The following C20orf203 variants were observed in gnomAD, a reference collection of about 807,000 sequenced individuals.
The protein encoded by C20orf203 is uncharacterized protein C20orf203.
In C20orf203, 16 loss-of-function variants were observed where a neutral mutation model predicts 15.9. That is an observed-to-expected ratio of 1.01 (90% CI 0.68 to 1.53). The LOEUF is 1.53. Ranked by LOEUF, C20orf203 falls within the 40% of genes most tolerant of loss-of-function variation. The pLI is 0.00. For missense variants in C20orf203, 263 were observed against 247.5 expected (o/e 1.06, Z -0.42); for synonymous variants, 98 against 97.2 (o/e 1.01, Z -0.05).
chr20:32,651,157 G>T lies in C20orf203; in HGVS notation c.-5C>A. 8 of 404,994 alleles carry T rather than the reference G, an allele frequency of 2.0e-5. No individual in the cohort carries two copies. The highest frequency in any genetic ancestry group is 3.3e-5 in the Non-Finnish European group (8 of 243,102). The allele number at this position is 404,994 out of a possible 1,614,324, so 25.1% of individuals were successfully genotyped here. A position where few individuals can be genotyped will look rare whatever the true frequency, so the allele number is the denominator to read the frequency against. On this transcript the variant is annotated 5_prime_UTR_variant, in exon 3 of 6. Coordinates refer to ENST00000608990, the MANE Select transcript of C20orf203 (RefSeq NM_182584.4). ...CAAGACAGGCCTAGGAAACATAGGAGACCCTCTCTCTAAAAAAAAAAAAAA... is the reference window on the plus strand; with the variant it reads ...CAAGACAGGCCTAGGAAACATAGGATACCCTCTCTCTAAAAAAAAAAAAAA...
rs11313159 is a variant in C20orf203 at position 32,651,168 on chromosome 20, TAA to T, written c.-14-4_-14-3del. 0.13 allele frequency: 38,813 copies of T among 287,904 alleles called. No individual in the cohort carries two copies. Among genetic ancestry groups the T allele is most frequent in the Middle Eastern group, 0.16 (187 of 1,172 alleles). 17.8% of individuals were successfully genotyped at this position (287,904 alleles called of 1,614,324 possible). A position where few individuals can be genotyped will look rare whatever the true frequency, so the allele number is the denominator to read the frequency against. On this transcript the variant is annotated splice_polypyrimidine_tract_variant and splice_region_variant and intron_variant, in intron 2 of 5. Transcript: ENST00000608990. ...TAGGAAACATAGGAGACCCTCTCTC[TAA>T]AAAAAAAAAAAAAAAAAAAAAAATT...
chr20:32,652,374 G>A (rs1460140969), intron 1 of C20orf203, among the ~76,000 whole-genome samples: 1 of 151,578 alleles, frequency 6.6e-6, no homozygotes, highest in Non-Finnish European at 1.5e-5. Flanking sequence ...ATCAGAGGGG[G>A]CCCAGCAGCC....
In C20orf203 at chr20:32,660,944, G is replaced by A. The variant is rs541081804; in HGVS notation, c.-263-8963C>T. Among the ~76,000 whole-genome samples, 66 of 152,272 alleles carry A rather than the reference G, an allele frequency of 4.3e-4. No individual in the cohort carries two copies. The South Asian group carries it at 0.013, about 31-fold the overall frequency. ...TCACTATCATGAGAACCGCATGGGGGTAACTGCCTCCATGATTCGATTACC... is the reference window on the plus strand; with the variant it reads ...TCACTATCATGAGAACCGCATGGGGATAACTGCCTCCATGATTCGATTACC... On this transcript the variant is annotated intron_variant, in intron 1 of 5. Coordinates refer to ENST00000608990, the MANE Select transcript of C20orf203 (RefSeq NM_182584.4).
chr20:32,646,066 C>T (rs1982418477), intron 4 of C20orf203, among the ~76,000 whole-genome samples: 1 of 151,970 alleles, frequency 6.6e-6, no homozygotes. Context: ...TTGGGTGAGT[C>T]ACTTAACCTG....
chr20:32,635,049 A>G (rs1426314707), intron 5 of C20orf203, among the ~76,000 whole-genome samples: 1 of 151,982 alleles, frequency 6.6e-6, no homozygotes, highest in African/African-American at 2.4e-5. Context: ...AAAATACAAA[A>G]ATTAGCCGGG....
chr20:32,648,255 C>T (rs1364522535), intron 4 of C20orf203, among the ~76,000 whole-genome samples: 1 of 151,966 alleles, frequency 6.6e-6, no homozygotes, highest in Non-Finnish European at 1.5e-5. Context: ...CAGGCCTTTG[C>T]ACTCCCCATT....
In C20orf203 at chr20:32,634,053, G is replaced by A. The variant is rs907569941; in HGVS notation, c.*1517C>T. On this transcript the variant is annotated 3_prime_UTR_variant, in exon 6 of 6. Transcript: ENST00000608990. ...AATTGAAATGAGCCAGTTCTACCCC[G>A]GTGTTGGGAATTCCGAGATGAATCC... The A allele has an allele frequency of 3.5e-5, 14 of 398,606 alleles. No individual in the cohort carries two copies. Among genetic ancestry groups the A allele is most frequent in the East Asian group, 1.8e-4 (5 of 28,084 alleles). 24.7% of individuals were successfully genotyped at this position (398,606 alleles called of 1,614,324 possible). A position where few individuals can be genotyped will look rare whatever the true frequency, so the allele number is the denominator to read the frequency against.
chr20:32,650,188 G>A lies in C20orf203; in HGVS notation c.*244C>T, dbSNP rs775745413. 2.5e-5 allele frequency: 13 copies of A among 510,010 alleles called. No homozygotes were observed. The highest frequency in any genetic ancestry group is 1.5e-4 in the African/African-American group (8 of 52,198). 31.6% of individuals were successfully genotyped at this position (510,010 alleles called of 1,614,324 possible). A position where few individuals can be genotyped will look rare whatever the true frequency, so the allele number is the denominator to read the frequency against. On this transcript the variant is annotated 3_prime_UTR_variant, in exon 4 of 6. Coordinates refer to ENST00000608990, the MANE Select transcript of C20orf203 (RefSeq NM_182584.4). ...GGACCAGAGCCTGCCCCGCATGTCCGGCCGGGGTTCTACCCAGAGCCAGCC... is the reference window on the plus strand; with the variant it reads ...GGACCAGAGCCTGCCCCGCATGTCCAGCCGGGGTTCTACCCAGAGCCAGCC...
chr20:32,646,983 C>A (rs1982450556), intron 4 of C20orf203, among the ~76,000 whole-genome samples: 1 of 152,244 alleles, frequency 6.6e-6, no homozygotes, highest in South Asian at 2.1e-4. Flanking sequence ...GAGGGTCTCT[C>A]CATCTAGCAC....
chr20:32,635,234 T>C (rs1982105424), intron 5 of C20orf203, among the ~76,000 whole-genome samples: 1 of 151,910 alleles, frequency 6.6e-6, no homozygotes, highest in South Asian at 2.1e-4. Flanking sequence ...ACACGGTGGC[T>C]CATGCCTGTA....
At chr20:32,667,716 G>T (rs1983067856) in intron 1 of C20orf203, among the ~76,000 whole-genome samples, 1 of 152,090 alleles carries the variant, frequency 6.6e-6, no homozygotes, top group African/African-American at 2.4e-5. Context: ...TATCACCCAG[G>T]CTGGAGTGCA....
At chr20:32,645,465 TG>T (rs1007522462) in intron 4 of C20orf203, among the ~76,000 whole-genome samples, 1 of 152,126 alleles carries the variant, frequency 6.6e-6, no homozygotes, top group Non-Finnish European at 1.5e-5. Flanking sequence ...CCTGCCCCCC[TG>T]GGGGGATATT....
intron 1 of C20orf203, among the ~76,000 whole-genome samples, chr20:32,655,442 A>G (rs1038876422): frequency 5.9e-5 from 9 of 152,254 alleles, no homozygotes; most frequent in Non-Finnish European, 1.0e-4. Flanking sequence ...AACAGATTCT[A>G]ACCAGCATAT....
At chr20:32,666,142 TAAATA>T (rs1267060169) in intron 1 of C20orf203, among the ~76,000 whole-genome samples, 1 of 29,372 alleles carries the variant, frequency 3.4e-5, no homozygotes, top group Non-Finnish European at 7.3e-5. Flanking sequence ...CAATAAAAAA[TAAATA>T]AATAAAGTAA....
At chr20:32,634,871 G>T (rs1982094581) in intron 5 of C20orf203, among the ~76,000 whole-genome samples, 1 of 152,162 alleles carries the variant, frequency 6.6e-6, no homozygotes, top group Non-Finnish European at 1.5e-5. Context: ...GTTATCTCTG[G>T]TGATGGACTA....
chr20:32,669,724 AG>A (rs1983117832), intron 1 of C20orf203, among the ~76,000 whole-genome samples: 1 of 152,196 alleles, frequency 6.6e-6, no homozygotes, highest in East Asian at 1.9e-4. Flanking sequence ...ATAGGGGAAA[AG>A]TTTCATAGCA....
At chr20:32,665,790 C>A (rs1452372052) in intron 1 of C20orf203, among the ~76,000 whole-genome samples, 3 of 152,030 alleles carry the variant, frequency 2.0e-5, no homozygotes, top group African/African-American at 7.2e-5. Flanking sequence ...ATGGTGAAAT[C>A]CAGTCTCTAC....
At position 32,650,746 on chromosome 20, in the gene C20orf203, C is replaced by G. The variant is rs1982594025; in HGVS notation, c.271G>C (p.Gly91Arg). ...ACCCAAATCCTTTCCTGATAAGGGC[C>G]TGGGTGTTGCGGAGGAGGAGGCTGG... is the stretch of plus-strand genomic sequence containing the variant. ...QRQPPPPQHP[G>R]PYQERIWVGG... is the part of the protein sequence containing the mutation. Residue 91 changes from glycine (G) to arginine (R), a missense_variant, in exon 4 of 6, where the codon GGC becomes CGC. By Grantham distance (125) the Gly-to-Arg change is moderately radical. Coordinates refer to ENST00000608990, the MANE Select transcript of C20orf203 (RefSeq NM_182584.4). 1 of 1,533,754 alleles carries G rather than the reference C, an allele frequency of 6.5e-7. No homozygotes were observed. The highest frequency in any genetic ancestry group is 1.2e-5 in the South Asian group (1 of 81,768).
intron 5 of C20orf203, among the ~76,000 whole-genome samples, chr20:32,636,244 C>T (rs897030113): frequency 7.2e-5 from 11 of 152,184 alleles, no homozygotes; most frequent in South Asian, 2.1e-4. Flanking sequence ...TATCTTATTT[C>T]GAAAATGTCC....
Sources: allele counts gnomAD v4.1 joint callset (sites outside exome capture counted in the v4.1 genomes callset), GRCh38; gene constraint gnomAD v4.1.1; transcripts MANE v1.5; gene names NCBI Gene and HGNC (gene_info 2026-07-23, HGNC 2026-07-21).